Variants in NUP214 observed in about 807,000 individuals in gnomAD.
NUP214 encodes the protein nuclear pore complex protein Nup214.
Under a neutral mutation model 196.2 loss-of-function variants are expected in NUP214, and 79 were observed. The ratio of observed to expected loss-of-function variants is 0.40; its 90% CI spans 0.34 to 0.49. The LOEUF (loss-of-function observed/expected upper bound fraction) is 0.49. NUP214 is among the 20% of genes least tolerant of loss of function. The pLI, the probability that NUP214 is intolerant of heterozygous loss-of-function variation, is 0.58. For missense variants in NUP214, 2,468 were observed against 2,539.0 expected (o/e 0.97, Z 0.60); for synonymous variants, 1,020 against 990.5 (o/e 1.03, Z -0.56).
At chr9:131,175,667 G>A in intron 23 of NUP214, 46 bp downstream of exon 23, 2 of 1,589,512 alleles carry the variant, frequency 1.3e-6, no homozygotes, top group African/African-American at 1.3e-5. Flanking sequence ...ATTATGAGCT[G>A]TCTGAGTCAC....
chr9:131,152,207 G>T (rs919786433), intron 17 of NUP214, among the ~76,000 whole-genome samples: 5 of 152,022 alleles, frequency 3.3e-5, no homozygotes, highest in African/African-American at 9.7e-5. Context: ...CTTACTTCCT[G>T]GGCTTACGTG....
At chr9:131,161,791 C>T (rs1457381022) in intron 18 of NUP214, among the ~76,000 whole-genome samples, 2 of 152,276 alleles carry the variant, frequency 1.3e-5, no homozygotes, top group East Asian at 3.9e-4. Flanking sequence ...ATTATATGAT[C>T]ATCACAGAAT....
At chr9:131,143,808 G>T (rs1025125690) in intron 11 of NUP214, among the ~76,000 whole-genome samples, 1 of 151,156 alleles carries the variant, frequency 6.6e-6, no homozygotes, top group Non-Finnish European at 1.5e-5. Flanking sequence ...CTCCCTTTGC[G>T]ATTGTTTTTT....
Position 131,232,198 on chromosome 9 carries a change from A to G in NUP214, c.6215-86A>G. The G allele has an allele frequency of 2.1e-6, 3 of 1,438,998 alleles. No homozygotes were observed. Among genetic ancestry groups the G allele is most frequent in the Non-Finnish European group, 2.9e-6 (3 of 1,020,414 alleles). 89.1% of individuals were successfully genotyped at this position (1,438,998 alleles called of 1,614,324 possible). On this transcript the variant is annotated intron_variant, in intron 34 of 35. Transcript: ENST00000359428. The surrounding 1 kb of genome is among the most constrained non-coding windows in gnomAD (Gnocchi z 5.1). ...ACGGAGGGCTTCCCACAAGAAGCAC[A>G]GAGGAGGGCAGACACTTAGCATGGG...
intron 27 of NUP214, chr9:131,193,988 T>C (rs774041225): frequency 2.0e-5 from 3 of 151,406 alleles, no homozygotes; most frequent in Non-Finnish European, 4.4e-5. Flanking sequence ...AAAGGTGGGG[T>C]CATTGAATCA....
chr9:131,185,852 A>G (rs1033417983), intron 24 of NUP214, among the ~76,000 whole-genome samples: 1 of 152,256 alleles, frequency 6.6e-6, no homozygotes, highest in African/African-American at 2.4e-5. Context: ...ACATAGAATT[A>G]TCACAAATAA....
chr9:131,157,227 A>G (rs1832479719), intron 17 of NUP214, among the ~76,000 whole-genome samples: 1 of 151,474 alleles, frequency 6.6e-6, no homozygotes, highest in Non-Finnish European at 1.5e-5. Context: ...CGGTGGCACG[A>G]TCCTAGCTCA....
chr9:131,164,593 C>T (rs1262648723), intron 21 of NUP214: 2 of 155,388 alleles, frequency 1.3e-5, no homozygotes, highest in Admixed American at 1.3e-4. Context: ...ACGAGGTCTC[C>T]CCATGTTGCC....
intron 14 of NUP214, among the ~76,000 whole-genome samples, chr9:131,149,541 C>T (rs1832190870): frequency 6.6e-6 from 1 of 151,026 alleles, no homozygotes; most frequent in Non-Finnish European, 1.5e-5. Flanking sequence ...TGTCACATGT[C>T]ATAAGCCCAC....
chr9:131,226,272 C>T (rs1023395266), intron 32 of NUP214, among the ~76,000 whole-genome samples: 2 of 152,108 alleles, frequency 1.3e-5, no homozygotes, highest in African/African-American at 4.8e-5. Context: ...TTTGTTTCTT[C>T]TGGAGAAGAA....
At chr9:131,217,912 G>T (rs1293146818) in intron 31 of NUP214, among the ~76,000 whole-genome samples, 1 of 152,160 alleles carries the variant, frequency 6.6e-6, no homozygotes, top group Non-Finnish European at 1.5e-5. Context: ...CTTCCCAGTT[G>T]TTCATTTGGT....
At chr9:131,224,975 T>G (rs1029576613) in intron 32 of NUP214, among the ~76,000 whole-genome samples, 1 of 152,222 alleles carries the variant, frequency 6.6e-6, no homozygotes, top group Non-Finnish European at 1.5e-5. Flanking sequence ...CCCCATTGAT[T>G]TGGAAATCTG....
rs777544652 is a variant in NUP214 at position 131,175,504 on chromosome 9, A to T, written c.3202A>T (p.Thr1068Ser). Residue 1068 changes from threonine to serine, a missense_variant, in exon 23 of 36, where the codon ACA (threonine) becomes TCA (serine). Around this residue, in one of 5 missense-constraint regions of NUP214, gnomAD observed 1,801 missense variants for 1,779.4 expected, o/e 1.01. Transcript: ENST00000359428. The stretch of plus-strand genomic sequence containing the variant: ...AATTATTCCTCAAGGGGCCGATAGC[A>T]CAATGCTTGCCACGAAAACCGTGAA... ...SKIIPQGADS[T>S]MLATKTVKHG... 1.2e-6 allele frequency: 2 copies of T among 1,614,092 alleles called. No individual in the cohort carries two copies. Among genetic ancestry groups the T allele is most frequent in the Non-Finnish European group, 1.7e-6 (2 of 1,180,042 alleles).
Position 131,132,601 on chromosome 9 carries a change from G to A in NUP214, c.669G>A (p.Leu223=), listed in dbSNP as rs1177843179. 5.6e-6 allele frequency: 9 copies of A among 1,613,438 alleles called. No homozygotes were observed. The Admixed American group carries it at 1.5e-4, about 27-fold the overall frequency. The part of the protein sequence containing the change: ...NGTVVQYLPT[L]QEKKVIPCPP... ...CCCCTCCAAATCTCTTTCAGACTTTGCAGGAAAAAAAAGTCATTCCTTGTC... is the reference window on the plus strand; with the variant it reads ...CCCCTCCAAATCTCTTTCAGACTTTACAGGAAAAAAAAGTCATTCCTTGTC... The change falls in exon 6 of 36, where the codon TTG becomes TTA. Residue 223 remains leucine, a synonymous_variant. Transcript: ENST00000359428.
intron 31 of NUP214, among the ~76,000 whole-genome samples, chr9:131,216,021 G>GC (rs1182706280): frequency 6.7e-6 from 1 of 148,574 alleles, no homozygotes; most frequent in Non-Finnish European, 1.5e-5. Context: ...TCCTGCCTTA[G>GC]CCTCCCAGGT....
intron 2 of NUP214, 32 bp downstream of exon 2, chr9:131,127,751 G>A (rs765234835): frequency 9.2e-6 from 14 of 1,523,142 alleles, no homozygotes; most frequent in Non-Finnish European, 1.3e-5. Context: ...GCAAAGTAGA[G>A]AGAGGAGTAT....
intron 24 of NUP214, 123 bp downstream of exon 24, chr9:131,178,533 G>T: frequency 1.5e-6 from 1 of 669,360 alleles, no homozygotes; most frequent in South Asian, 1.9e-5. Context: ...AGGTTATAAG[G>T]GGGGTGGCGG....
intron 32 of NUP214, among the ~76,000 whole-genome samples, chr9:131,226,360 A>C (rs1834725064): frequency 6.6e-6 from 1 of 152,070 alleles, no homozygotes; most frequent in African/African-American, 2.4e-5. Flanking sequence ...AGCCAGAGTG[A>C]CTGTTTTCTT....
chr9:131,146,244 C>T lies in NUP214; in HGVS notation c.1885C>T (p.Pro629Ser), dbSNP rs147562613. 2.3e-5 allele frequency: 37 copies of T among 1,614,028 alleles called. No individual in the cohort carries two copies. The African/African-American group carries it at 4.4e-4, about 19-fold the overall frequency. Reference sequence around the variant, plus strand: ...TTCTGGACCACTCAGCCACCCCACACCTCTCTCAGCACCACCTAGTTCCGT... The same window carrying T: ...TTCTGGACCACTCAGCCACCCCACATCTCTCTCAGCACCACCTAGTTCCGT... Reference protein sequence around the residue: ...AASGPLSHPTPLSAPPSSVPL... With the variant: ...AASGPLSHPTSLSAPPSSVPL... The change falls in exon 13 of 36, where the codon CCT becomes TCT. Residue 629 changes from proline (P) to serine (S), a missense_variant. Transcript: ENST00000359428. This position sits in a 1 kb window ranked among gnomAD's most constrained non-coding sequence, Gnocchi z 4.6.
Sources: gnomAD v4.1 joint callset for allele counts (sites outside exome capture counted in the v4.1 genomes callset) on GRCh38, gnomAD v4.1.1 for gene constraint, gnomAD v4.1.1 regional missense constraint, Gnocchi (gnomAD v3.1) non-coding constraint, MANE v1.5 for transcripts, NCBI Gene and HGNC (gene_info 2026-07-23, HGNC 2026-07-21) for gene names.